The following ARL17A variants were observed in gnomAD, a reference collection of about 807,000 sequenced individuals.
ARL17A encodes the protein ADP-ribosylation factor-like 17-like.
intron 3 of ARL17A, among the ~76,000 whole-genome samples, chr17:46,558,015 G>T (rs1223126377): frequency 1.5e-5 from 2 of 137,120 alleles, no homozygotes; most frequent in Non-Finnish European, 3.1e-5. Context: ...CATTGAAAAA[G>T]GCTGCCAGAG....
At chr17:46,549,300 T>C (rs1267376185), downstream of ARL17A, 2 of 1,608,802 alleles carry the variant, frequency 1.2e-6, no homozygotes, top group African/African-American at 1.4e-5. Flanking sequence ...AAAACAATAA[T>C]ACAAAACACA....
At chr17:46,503,226 AT>A in the ARL17A span, among the ~76,000 whole-genome samples, 10 of 131,100 alleles carry the variant, frequency 7.6e-5, 2 homozygotes, top group Non-Finnish European at 9.7e-5. Context: ...AAAAAAAAAA[AT>A]AGTCTTCATT....
In ARL17A at chr17:46,552,950, G is replaced by A. The variant is rs1364739715; in HGVS notation, c.*4406C>T. The stretch of plus-strand genomic sequence containing the variant: ...TGCACCTGTAGTCTCAGCTACTCAA[G>A]AGGCTGAGGTGGGCGGATCACTGGA... On this transcript the variant is annotated 3_prime_UTR_variant, in exon 4 of 4. Transcript: ENST00000336125. 8.4e-5 allele frequency among the ~76,000 whole-genome samples: 12 copies of A among 143,190 alleles called. No homozygotes were observed. Among genetic ancestry groups the A allele is most frequent in the Non-Finnish European group, 1.3e-4 (9 of 66,822 alleles). The allele number at this position is 143,190 out of a possible 152,430, so 93.9% of individuals were successfully genotyped here.
intron 3 of ARL17A, among the ~76,000 whole-genome samples, chr17:46,568,942 C>T (rs1318193875): frequency 2.8e-5 from 2 of 71,176 alleles, no homozygotes; most frequent in Non-Finnish European, 6.0e-5. Context: ...TTTTTTTTCT[C>T]TTTTTTTTTT....
the ARL17A span, among the ~76,000 whole-genome samples, chr17:46,502,977 C>T: frequency 5.3e-5 from 8 of 150,772 alleles, no homozygotes; most frequent in East Asian, 1.6e-3. Flanking sequence ...CTTTGGGAGG[C>T]TGAGGTGGGT....
intron 3 of ARL17A, among the ~76,000 whole-genome samples, chr17:46,541,712 C>T (rs1054424214): frequency 1.3e-5 from 2 of 150,800 alleles, no homozygotes; most frequent in African/African-American, 5.0e-5. Context: ...AACAATACAA[C>T]AATAAAAGCA....
intron 4 of ARL17A, among the ~76,000 whole-genome samples, chr17:46,529,242 C>T (rs952050299): frequency 8.6e-6 from 1 of 116,232 alleles, no homozygotes; most frequent in African/African-American, 2.9e-5. Context: ...TGTGAGCTAC[C>T]TTTATTCTGT....
At chr17:46,548,954 G>A (rs273530), downstream of ARL17A, 1 of 1,609,088 alleles carries the variant, frequency 6.2e-7, no homozygotes, top group South Asian at 1.1e-5. Flanking sequence ...AGAGACAGAT[G>A]GAAAGACTTA....
the ARL17A span, among the ~76,000 whole-genome samples, chr17:46,500,514 A>G: frequency 4.0e-5 from 6 of 149,754 alleles, no homozygotes; most frequent in Non-Finnish European, 7.4e-5. Context: ...CCTCCACTTC[A>G]GTTTTAGGAA....
chr17:46,545,879 C>T (rs567970783), intron 3 of ARL17A, among the ~76,000 whole-genome samples: 1 of 150,292 alleles, frequency 6.7e-6, no homozygotes, highest in African/African-American at 2.5e-5. Flanking sequence ...CCACTCCCAA[C>T]AGGAATTGAG....
At chr17:46,543,329 C>T (rs1446912779) in intron 3 of ARL17A, among the ~76,000 whole-genome samples, 3 of 150,550 alleles carry the variant, frequency 2.0e-5, no homozygotes, top group Non-Finnish European at 4.4e-5. Context: ...TACCTCAGGT[C>T]ATTTACAGTC....
rs1446776683 is a variant in ARL17A, at chr17:46,521,024, A to G, written c.260-3791T>C. On this transcript the variant is annotated intron_variant, in intron 3 of 4. Transcript: ENST00000445552. ...TCATTTCAGGAATTGTTATATTAAA[A>G]CAGATGTTTAAAATGATGGTTAACT... 2.6e-4 allele frequency among the ~76,000 whole-genome samples: 21 copies of G among 80,994 alleles called. 6 individuals are homozygous for G. Among genetic ancestry groups the G allele is most frequent in the African/African-American group, 6.8e-4 (19 of 27,798 alleles). The allele number at this position is 80,994 out of a possible 152,430, so 53.1% of individuals were successfully genotyped here. A position where few individuals can be genotyped will look rare whatever the true frequency, so the allele number is the denominator to read the frequency against.
downstream of ARL17A, chr17:46,549,101 T>A: frequency 6.2e-7 from 1 of 1,611,742 alleles, no homozygotes; most frequent in Middle Eastern, 1.7e-4. Context: ...ACACCCAAAG[T>A]CAAAAAGAGT....
chr17:46,558,383 TTG>T (rs1332363756), intron 3 of ARL17A, among the ~76,000 whole-genome samples: 2 of 106,966 alleles, frequency 1.9e-5, no homozygotes, highest in Non-Finnish European at 3.7e-5. Context: ...GGGGTTTTTT[TTG>T]TGTTTTGTTT....
At chr17:46,500,871 T>G in the ARL17A span, among the ~76,000 whole-genome samples, 1 of 150,954 alleles carries the variant, frequency 6.6e-6, no homozygotes, top group Admixed American at 6.6e-5. Context: ...CAGCACAACC[T>G]GGGAATTGTT....
intron 3 of ARL17A, among the ~76,000 whole-genome samples, chr17:46,541,147 A>C (rs937874592): frequency 8.8e-5 from 12 of 137,012 alleles, no homozygotes; most frequent in Non-Finnish European, 3.0e-5. Flanking sequence ...CCTGTTAGCT[A>C]CTAATCTGAT....
chr17:46,534,809 GC>G (rs2054366090), intron 4 of ARL17A, among the ~76,000 whole-genome samples: 1 of 147,160 alleles, frequency 6.8e-6, no homozygotes, highest in African/African-American at 2.7e-5. Context: ...GGAGGGGGCG[GC>G]TGGCCAGGCG....
At chr17:46,500,700 TC>T in the ARL17A span, among the ~76,000 whole-genome samples, 4 of 151,206 alleles carry the variant, frequency 2.6e-5, no homozygotes, top group African/African-American at 9.9e-5. Context: ...TTTGTTTTTT[TC>T]TTTTTTTTCC....
intron 3 of ARL17A, among the ~76,000 whole-genome samples, chr17:46,568,380 C>T (rs2057566672): frequency 8.2e-6 from 1 of 121,510 alleles, no homozygotes; most frequent in South Asian, 2.4e-4. Context: ...GAACCAAAAT[C>T]TAATCAAGTC....
Sources: gnomAD v4.1 joint callset for allele counts (sites outside exome capture counted in the v4.1 genomes callset) on GRCh38, gnomAD v4.1.1 for gene constraint, MANE v1.5 for transcripts, NCBI Gene and HGNC (gene_info 2026-07-23, HGNC 2026-07-21) for gene names.